The following GUCY2C variants were observed in gnomAD, a reference collection of about 807,000 sequenced individuals.
GUCY2C encodes guanylate cyclase 2C, also known as guanylyl cyclase C.
In GUCY2C, 118 loss-of-function variants were observed where a neutral mutation model predicts 131.1. That is an observed-to-expected ratio of 0.90 (90% CI 0.78 to 1.05). The LOEUF (loss-of-function observed/expected upper bound fraction) is 1.05. GUCY2C is among the 50% of genes least tolerant of loss of function. The pLI is 0.00. For missense variants in GUCY2C, 1,161 were observed against 1,304.4 expected (o/e 0.89, Z 1.69); for synonymous variants, 452 against 457.8 (o/e 0.99, Z 0.16).
At chr12:14,663,936 A>T (rs952128444) in intron 10 of GUCY2C, among the ~76,000 whole-genome samples, 1 of 152,228 alleles carries the variant, frequency 6.6e-6, no homozygotes, top group African/African-American at 2.4e-5. Flanking sequence ...CTGTGCCATT[A>T]GGGGTCTCAT....
At chr12:14,615,762 T>C (rs1047006629) in intron 25 of GUCY2C, among the ~76,000 whole-genome samples, 12 of 151,914 alleles carry the variant, frequency 7.9e-5, no homozygotes, top group African/African-American at 2.9e-4. Flanking sequence ...TTGTAAAAAA[T>C]GTACTTATGG....
chr12:14,618,351 G>GA (rs1203240175), intron 24 of GUCY2C, among the ~76,000 whole-genome samples: 4 of 152,024 alleles, frequency 2.6e-5, no homozygotes, highest in South Asian at 4.1e-4. Flanking sequence ...CACCTCTACA[G>GA]AAAAAATTAA....
intron 3 of GUCY2C, among the ~76,000 whole-genome samples, chr12:14,683,703 A>G (rs1948400251): frequency 6.6e-6 from 1 of 152,176 alleles, no homozygotes. Flanking sequence ...GTAGATGCTT[A>G]GTATGTATTT....
intron 19 of GUCY2C, among the ~76,000 whole-genome samples, chr12:14,637,738 A>G (rs1332137069): frequency 6.6e-6 from 1 of 152,196 alleles, no homozygotes; most frequent in Non-Finnish European, 1.5e-5. Context: ...AGATAGATTT[A>G]AGACTTAAAC....
chr12:14,679,709 C>T lies in GUCY2C; in HGVS notation c.778G>A (p.Gly260Ser). The change falls in exon 6 of 27, where the codon GGT (glycine) becomes AGT (serine). Residue 260 changes from glycine to serine, a missense_variant. Transcript: ENST00000261170. The part of the protein sequence containing the change: ...GGPEFLYKLK[G>S]DRAVAEDIVI... ...ATGTCTTCAGCCACTGCTCGGTCACCCTTCAGCTTGTAGAGGAACTCTGGA... is the reference window on the plus strand; with the variant it reads ...ATGTCTTCAGCCACTGCTCGGTCACTCTTCAGCTTGTAGAGGAACTCTGGA... 1.9e-6 allele frequency: 3 copies of T among 1,602,168 alleles called. No homozygotes were observed. The highest frequency in any genetic ancestry group is 1.1e-5 in the South Asian group (1 of 90,836).
intron 20 of GUCY2C, among the ~76,000 whole-genome samples, chr12:14,627,088 T>C (rs1947035232): frequency 6.6e-6 from 1 of 152,176 alleles, no homozygotes; most frequent in African/African-American, 2.4e-5. Flanking sequence ...TGACAAGCCT[T>C]GGTGCAGAGG....
chr12:14,639,867 G>C lies in GUCY2C; in HGVS notation c.2152C>G (p.Leu718Val). 6.4e-7 allele frequency: 1 copy of C among 1,573,822 alleles called. No homozygotes were observed. The highest frequency in any genetic ancestry group is 8.7e-7 in the Non-Finnish European group (1 of 1,143,354). ...ATACGGGAAGATATACTCACTTCTA[G>C]CTCTTTTTCCTCTGCTGTTTCCAAG... ...LFLETAEEKE[L>V]EVYLLVKNCW... is the part of the protein sequence containing the mutation. Residue 718 changes from leucine to valine, a missense_variant, in exon 19 of 27, where the codon CTA becomes GTA. Coordinates refer to ENST00000261170, the MANE Select transcript of GUCY2C (RefSeq NM_004963.4).
In GUCY2C at chr12:14,622,167, G is replaced by A; in HGVS notation, c.2439C>T (p.Gly813=). 1 of 1,576,122 alleles carries A rather than the reference G, an allele frequency of 6.3e-7. No homozygotes were observed. The part of the protein sequence containing the change: ...RLVVKSLKEK[G]FVEPELYEEV... ...CCTCATATAGTTCCGGCTCCACAAA[G>A]CCTTTCTCCTTCAGAGACTTTACCA... Residue 813 remains glycine (G), a synonymous_variant, in exon 22 of 27, where the codon GGC becomes GGT. Transcript: ENST00000261170.
At position 14,696,414 on chromosome 12, in the gene GUCY2C, G is replaced by A. The variant is rs768594460; in HGVS notation, c.35C>T (p.Ser12Leu). The part of the protein sequence containing the change: ...KTLLLDLALW[S>L]LLFQPGWLSF... ...CAGCCACCCGGGCTGGAAGAGCAGT[G>A]ACCACAAAGCCAAGTCCAACAGCAA... Residue 12 changes from serine to leucine, a missense_variant, in exon 1 of 27, where the codon TCA becomes TTA. Ser to Leu is a moderately radical substitution (Grantham distance 145). Transcript: ENST00000261170. 3 of 1,613,954 alleles carry A rather than the reference G, an allele frequency of 1.9e-6. No individual in the cohort carries two copies. The highest frequency in any genetic ancestry group is 8.5e-7 in the Non-Finnish European group (1 of 1,179,960).
intron 24 of GUCY2C, among the ~76,000 whole-genome samples, chr12:14,617,988 A>G (rs1223391034): frequency 1.3e-5 from 2 of 152,136 alleles, no homozygotes; most frequent in African/African-American, 4.8e-5. Flanking sequence ...CTAGTATCAC[A>G]TTGTCAGTAC....
At chr12:14,673,023 A>G in intron 8 of GUCY2C, 65 bp from the exon 9 acceptor site, 1 of 904,464 alleles carries the variant, frequency 1.1e-6, no homozygotes, top group Middle Eastern at 2.1e-4. Flanking sequence ...AAGTTGGATC[A>G]TGACAGAGAG....
Position 14,616,664 on chromosome 12 carries a change from A to T in GUCY2C, c.2939T>A (p.Leu980His). The stretch of plus-strand genomic sequence containing the variant: ...GTATGTTTCTCCTCTCACTTCATAA[A>T]GGAACTGGCACTCAGTTCTCTTCAG... Reference protein sequence around the residue: ...AILKRTECQFLYEVRGETYLK... With the variant: ...AILKRTECQFHYEVRGETYLK... The change falls in exon 25 of 27, where the codon CTT becomes CAT. Residue 980 changes from leucine (L) to histidine (H), a missense_variant. Coordinates refer to ENST00000261170, the MANE Select transcript of GUCY2C (RefSeq NM_004963.4). The T allele has an allele frequency of 6.2e-7, 1 of 1,602,302 alleles. No homozygotes were observed. Among genetic ancestry groups the T allele is most frequent in the South Asian group, 1.1e-5 (1 of 90,834 alleles).
intron 14 of GUCY2C, 134 bp downstream of exon 14, chr12:14,651,825 T>G (rs570198322): frequency 1.3e-4 from 75 of 593,570 alleles, no homozygotes; most frequent in Middle Eastern, 7.9e-4. Flanking sequence ...TGGTAGAATT[T>G]TCAACAAGAA....
intron 6 of GUCY2C, 56 bp from the exon 7 acceptor site, chr12:14,677,027 TC>T (rs1948248781): frequency 5.4e-6 from 3 of 553,880 alleles, no homozygotes; most frequent in Admixed American, 5.4e-5. Flanking sequence ...AGATGCATCT[TC>T]TATAGTTCAC....
intron 19 of GUCY2C, among the ~76,000 whole-genome samples, chr12:14,637,670 A>G (rs1179884988): frequency 6.6e-6 from 1 of 152,146 alleles, no homozygotes; most frequent in Non-Finnish European, 1.5e-5. Context: ...CAACGGCTCC[A>G]AGAACATACA....
intron 10 of GUCY2C, among the ~76,000 whole-genome samples, chr12:14,662,962 C>T (rs1349434773): frequency 1.4e-4 from 21 of 152,088 alleles, no homozygotes. Context: ...ATTGATAGGA[C>T]AACACTAGAA....
intron 9 of GUCY2C, among the ~76,000 whole-genome samples, chr12:14,671,573 G>T (rs1445756815): frequency 6.6e-6 from 1 of 152,122 alleles, no homozygotes; most frequent in East Asian, 1.9e-4. Context: ...GAAGATCTCT[G>T]ATTTTCCCAA....
intron 9 of GUCY2C, among the ~76,000 whole-genome samples, chr12:14,671,954 G>C (rs1948121552): frequency 6.6e-6 from 1 of 152,146 alleles, no homozygotes; most frequent in African/African-American, 2.4e-5. Flanking sequence ...TTCTGGTTTA[G>C]CTTTCTCAAC....
At chr12:14,677,734 C>CTA (rs1201279675) in intron 6 of GUCY2C, among the ~76,000 whole-genome samples, 2 of 30,624 alleles carry the variant, frequency 6.5e-5, no homozygotes, top group East Asian at 3.0e-3. Context: ...CCACGCCCAG[C>CTA]TATTTTTTTT....
Sources: allele counts gnomAD v4.1 joint callset (sites outside exome capture counted in the v4.1 genomes callset), GRCh38; gene constraint gnomAD v4.1.1; transcripts MANE v1.5; gene names NCBI Gene and HGNC (gene_info 2026-07-23, HGNC 2026-07-21).